The following DNAH3 variants were observed in gnomAD, a reference collection of about 807,000 sequenced individuals.
The protein encoded by DNAH3 is dynein axonemal heavy chain 3, also known as axonemal beta dynein heavy chain 3.
A neutral mutation model predicts 432.5 loss-of-function variants in DNAH3; 332 were observed. The ratio of observed to expected loss-of-function variants is 0.77; its 90% confidence interval spans 0.70 to 0.84. The LOEUF (loss-of-function observed/expected upper bound fraction) is 0.84, where lower values mean the gene tolerates loss of function less well. Ranked by LOEUF, DNAH3 falls within the 40% of genes least tolerant of loss-of-function variation. The pLI, the probability that DNAH3 is intolerant of heterozygous loss-of-function variation, is 0.00. For missense variants in DNAH3, 4,861 were observed against 5,114.0 expected (o/e 0.95, Z 1.51); for synonymous variants, 1,956 against 1,900.2 (o/e 1.03, Z -0.76).
intron 31 of DNAH3, among the ~76,000 whole-genome samples, chr16:21,049,357 GAATT>G (rs1380112869): frequency 6.6e-6 from 1 of 152,182 alleles, no homozygotes; most frequent in East Asian, 1.9e-4. Context: ...GCAAGTGAAT[GAATT>G]AATATGATGG....
chr16:21,136,084 G>C (rs974765525), intron 6 of DNAH3, among the ~76,000 whole-genome samples: 2 of 151,932 alleles, frequency 1.3e-5, no homozygotes, highest in African/African-American at 2.4e-5. Flanking sequence ...ATTTCCAGTG[G>C]AATCAGGGTG....
chr16:20,949,578 G>A (rs78341672), intron 56 of DNAH3, among the ~76,000 whole-genome samples: 3,906 of 152,232 alleles, frequency 0.026, 183 homozygotes, highest in African/African-American at 0.089. Context: ...GCATCCACTG[G>A]GGGTCTTGGA....
At chr16:21,100,353 T>C (rs1488742501) in intron 16 of DNAH3, among the ~76,000 whole-genome samples, 1 of 152,214 alleles carries the variant, frequency 6.6e-6, no homozygotes, top group Admixed American at 6.5e-5. Flanking sequence ...ATTACAAGCA[T>C]GAGCCACATA....
intron 56 of DNAH3, 123 bp from the exon 57 acceptor site, chr16:20,948,760 G>A: frequency 3.7e-6 from 4 of 1,085,602 alleles, no homozygotes; most frequent in Non-Finnish European, 5.3e-6. Context: ...GATAGGGACA[G>A]CAAGCAGGAA....
intron 50 of DNAH3, among the ~76,000 whole-genome samples, chr16:20,978,842 G>GC (rs2085721863): frequency 6.6e-6 from 1 of 152,024 alleles, no homozygotes; most frequent in Admixed American, 6.6e-5. Flanking sequence ...ACTGCACTGG[G>GC]CCTTCACCTT....
intron 57 of DNAH3, among the ~76,000 whole-genome samples, chr16:20,945,496 CT>C (rs71377698): frequency 0.021 from 3,058 of 144,480 alleles, 83 homozygotes; most frequent in African/African-American, 0.065. Context: ...TATTCCTTTA[CT>C]TTTTTTTTTT....
At position 21,063,287 on chromosome 16, in the gene DNAH3, A is replaced by T. The variant is rs1435015769; in HGVS notation, c.3519-604T>A. On this transcript the variant is annotated intron_variant, in intron 24 of 61. Coordinates refer to ENST00000261383, the Ensembl canonical transcript of DNAH3. ...GCTGATGAAATTTGTATTTTTTTAA[A>T]TTTCAGGTCATTCTAATGTGCAGTC... Among the ~76,000 whole-genome samples, 3 of 152,040 alleles carry T rather than the reference A, an allele frequency of 2.0e-5. No individual in the cohort carries two copies. In the East Asian group the frequency reaches 5.8e-4, roughly 29 times the overall value.
rs570862173 is a variant in DNAH3 at position 20,964,500 on chromosome 16, T to A, written c.9384A>T (p.Glu3128Asp). The change falls in exon 53 of 62, where the codon GAA becomes GAT. Residue 3128 changes from glutamate to aspartate, a missense_variant. Transcript: ENST00000261383. Reference sequence around the variant, plus strand: ...AAGCATCCAGCTCTTCTCCAATGTTTTCAATCAAGACAGGGGTGCCTAACT... The same window carrying A: ...AAGCATCCAGCTCTTCTCCAATGTTATCAATCAAGACAGGGGTGCCTAACT... 1 of 1,614,186 alleles carries A rather than the reference T, an allele frequency of 6.2e-7. No homozygotes were observed. Among genetic ancestry groups the A allele is most frequent in the Non-Finnish European group, 8.5e-7 (1 of 1,180,032 alleles).
chr16:21,096,462 A>G (rs772086123), intron 18 of DNAH3, among the ~76,000 whole-genome samples: 38 of 152,140 alleles, frequency 2.5e-4, no homozygotes, highest in Non-Finnish European at 4.3e-4. Context: ...TCTGTTCTTC[A>G]ACACCCTCCA....
chr16:21,145,877 G>A, intron 2 of DNAH3, 107 bp downstream of exon 3: 1 of 761,668 alleles, frequency 1.3e-6, no homozygotes, highest in Non-Finnish European at 2.3e-6. Context: ...TGTCAGGTCT[G>A]TTTGACTCTC....
chr16:21,137,628 G>A (rs972571705), intron 5 of DNAH3, among the ~76,000 whole-genome samples: 1 of 151,824 alleles, frequency 6.6e-6, no homozygotes, highest in Non-Finnish European at 1.5e-5. Context: ...TCACCATGTT[G>A]GCCAGGCTGG....
chr16:20,969,699 C>T lies in DNAH3; in HGVS notation c.8458+93G>A, dbSNP rs149479344. 1,717 of 1,386,476 alleles carry T rather than the reference C, an allele frequency of 1.2e-3. 3 individuals carry two copies. Among genetic ancestry groups the T allele is most frequent in the Non-Finnish European group, 1.7e-3 (1,628 of 980,710 alleles). 85.9% of individuals were successfully genotyped at this position (1,386,476 alleles called of 1,614,324 possible). On this transcript the variant is annotated intron_variant, in intron 52 of 61. Coordinates refer to ENST00000261383, the Ensembl canonical transcript of DNAH3. ...TCCAAACTCAGTGATCTTGCCTGCA[C>T]GCCTGCAGTCGACTTGGGGATGCAG... is the stretch of plus-strand genomic sequence containing the variant.
chr16:21,020,472 G>A (rs1257245420), intron 40 of DNAH3, among the ~76,000 whole-genome samples: 4 of 129,718 alleles, frequency 3.1e-5, no homozygotes, highest in Non-Finnish European at 4.7e-5. Context: ...GCACAATCTC[G>A]GCTCACTGCA....
chr16:21,078,275 C>CA (rs1202846920), intron 20 of DNAH3, among the ~76,000 whole-genome samples: 31,723 of 83,672 alleles, frequency 0.38, 5,743 homozygotes, highest in South Asian at 0.57. Flanking sequence ...AATTCCGTCT[C>CA]AAAAAAAAAA....
intron 50 of DNAH3, among the ~76,000 whole-genome samples, chr16:20,977,443 C>T (rs1192486896): frequency 1.3e-5 from 2 of 152,126 alleles, no homozygotes. Context: ...GCTAGAATTA[C>T]CCCCCTGAAG....
intron 55 of DNAH3, among the ~76,000 whole-genome samples, chr16:20,953,688 C>T (rs1471750741): frequency 1.3e-5 from 2 of 152,082 alleles, no homozygotes; most frequent in Admixed American, 6.5e-5. Flanking sequence ...CCTCCCACCT[C>T]AGCCTCCCAA....
intron 48 of DNAH3, among the ~76,000 whole-genome samples, 160 bp downstream of exon 48, chr16:20,984,889 G>A (rs2086112723): frequency 6.6e-6 from 1 of 151,922 alleles, no homozygotes. Flanking sequence ...GCTCAGAAGA[G>A]TGAAAAAAGT....
chr16:21,156,287 A>T (rs1207321231), intron 1 of DNAH3, among the ~76,000 whole-genome samples: 1 of 150,724 alleles, frequency 6.6e-6, no homozygotes, highest in African/African-American at 2.5e-5. Context: ...GCTAGAGTGC[A>T]GTGGTGCAAT....
chr16:20,986,021 A>G (rs1444410832), intron 47 of DNAH3, among the ~76,000 whole-genome samples: 3 of 151,684 alleles, frequency 2.0e-5, no homozygotes, highest in African/African-American at 4.8e-5. Flanking sequence ...ATGCCTGGCT[A>G]ATTTTTGTAT....
Sources: allele counts gnomAD v4.1 joint callset (sites outside exome capture counted in the v4.1 genomes callset), GRCh38; gene constraint gnomAD v4.1.1; transcripts MANE v1.5; gene names NCBI Gene and HGNC (gene_info 2026-07-23, HGNC 2026-07-21).